The following EPHA5 variants were observed in gnomAD, a reference collection of about 807,000 sequenced individuals.
EPHA5 encodes ephrin type-A receptor 5.
EPHA5 carries 60 observed loss-of-function variants against 105.0 expected under a neutral mutation model. The ratio of observed to expected loss-of-function variants is 0.57; its 90% CI spans 0.46 to 0.71. The LOEUF (loss-of-function observed/expected upper bound fraction) is 0.71. Among genes scored for constraint, EPHA5 ranks in the 30% least tolerant of loss-of-function variants. The pLI is 0.00. For missense variants in EPHA5, 1,218 were observed against 1,274.7 expected (o/e 0.96, Z 0.68); for synonymous variants, 513 against 449.1 (o/e 1.14, Z -1.80).
chr4:65,465,467 A>AAAG lies in EPHA5; in HGVS notation c.1402+24909_1402+24910insCTT, dbSNP rs1553920682. Among the ~76,000 whole-genome samples, 84 of 75,060 alleles carry AAAG rather than the reference A, an allele frequency of 1.1e-3. 1 individual carries two copies. Among genetic ancestry groups the AAAG allele is most frequent in the South Asian group, 4.4e-3 (8 of 1,800 alleles). 49.2% of individuals were successfully genotyped at this position (75,060 alleles called of 152,430 possible). A position where few individuals can be genotyped will look rare whatever the true frequency, so the allele number is the denominator to read the frequency against. ...AAGAAAGAAAGAAAGAAAAGAAAGA[A>AAAG]AAAGAAAGAAAGAAAGAAAGAAAGA... On this transcript the variant is annotated intron_variant, in intron 5 of 16. Transcript: ENST00000613740.
chr4:65,543,238 A>G (rs1737024878), intron 3 of EPHA5, among the ~76,000 whole-genome samples: 1 of 152,040 alleles, frequency 6.6e-6, no homozygotes. Flanking sequence ...CAGGTAAGAG[A>G]AAGAAATAAA....
intron 8 of EPHA5, among the ~76,000 whole-genome samples, chr4:65,381,747 A>T (rs1406257882): frequency 6.6e-6 from 1 of 151,728 alleles, no homozygotes; most frequent in East Asian, 1.9e-4. Context: ...GGGTATTTGG[A>T]AGCTGATAAG....
At chr4:65,544,543 G>A (rs1171248464) in intron 3 of EPHA5, among the ~76,000 whole-genome samples, 1 of 151,978 alleles carries the variant, frequency 6.6e-6, no homozygotes, top group Non-Finnish European at 1.5e-5. Context: ...TCTCATTCCA[G>A]TCAGAATGGC....
intron 3 of EPHA5, among the ~76,000 whole-genome samples, chr4:65,576,365 A>G (rs1040700164): frequency 2.0e-5 from 3 of 152,220 alleles, no homozygotes; most frequent in African/African-American, 7.2e-5. Context: ...AATATCGTTC[A>G]CCAGAAGAAG....
chr4:65,437,932 T>C (rs1184464121), intron 5 of EPHA5, among the ~76,000 whole-genome samples: 1 of 152,016 alleles, frequency 6.6e-6, no homozygotes, highest in African/African-American at 2.4e-5. Context: ...CTCTGTCCTA[T>C]GGTGTCTTAT....
chr4:65,427,293 T>G (rs1724535421), intron 5 of EPHA5, among the ~76,000 whole-genome samples: 1 of 150,654 alleles, frequency 6.6e-6, no homozygotes, highest in Non-Finnish European at 1.5e-5. Context: ...CAAGCGATTC[T>G]CCTGCCTCAG....
chr4:65,391,092 A>G (rs1720674353), intron 8 of EPHA5, among the ~76,000 whole-genome samples: 1 of 152,038 alleles, frequency 6.6e-6, no homozygotes, highest in African/African-American at 2.4e-5. Context: ...TTATAAAACC[A>G]TTAGTTCTTG....
chr4:65,542,235 T>C (rs1736912869), intron 3 of EPHA5, among the ~76,000 whole-genome samples: 1 of 151,196 alleles, frequency 6.6e-6, no homozygotes, highest in Non-Finnish European at 1.5e-5. Flanking sequence ...ATAACTGAGA[T>C]CAGAGTGGAA....
intron 5 of EPHA5, among the ~76,000 whole-genome samples, chr4:65,466,005 A>G (rs1728683261): frequency 6.6e-6 from 1 of 152,248 alleles, no homozygotes; most frequent in Admixed American, 6.5e-5. Context: ...CAAACAAAAA[A>G]AGACATAAAA....
At chr4:65,353,905 T>C (rs1409381342) in intron 11 of EPHA5, among the ~76,000 whole-genome samples, 1 of 151,786 alleles carries the variant, frequency 6.6e-6, no homozygotes, top group Non-Finnish European at 1.5e-5. Flanking sequence ...AAGATTTCCT[T>C]AGCAGTCATT....
chr4:65,508,743 GT>G (rs986922172), intron 3 of EPHA5, among the ~76,000 whole-genome samples: 1 of 151,772 alleles, frequency 6.6e-6, no homozygotes, highest in Middle Eastern at 3.4e-3. Context: ...TGACAATGCA[GT>G]TTTTTTTAAA....
chr4:65,331,895 T>C (rs1037783836), intron 16 of EPHA5, 78 bp downstream of exon 16: 4 of 1,523,530 alleles, frequency 2.6e-6, no homozygotes, highest in Non-Finnish European at 3.5e-6. Context: ...CTGATTTCCC[T>C]TACCTCATCC....
At chr4:65,608,286 G>A (rs1744431324) in intron 2 of EPHA5, among the ~76,000 whole-genome samples, 1 of 152,070 alleles carries the variant, frequency 6.6e-6, no homozygotes, top group South Asian at 2.1e-4. Flanking sequence ...AGTGGATCAC[G>A]GAGGTCAGGA....
At chr4:65,352,961 A>G in intron 12 of EPHA5, 81 bp downstream of exon 12, 2 of 947,570 alleles carry the variant, frequency 2.1e-6, no homozygotes, top group South Asian at 1.8e-5. Context: ...TTCAACTTCA[A>G]CATCACAGCA....
At position 65,434,433 on chromosome 4, in the gene EPHA5, A is replaced by G. The variant is rs541927287; in HGVS notation, c.1403-13868T>C. On this transcript the variant is annotated intron_variant, in intron 5 of 16. Coordinates refer to ENST00000613740, the MANE Select transcript of EPHA5 (RefSeq NM_001281766.3). Reference sequence around the variant, plus strand: ...TGTTCACATTCTAGGCCAAGACGATATATTTCTAATATCTTTATTATGGAT... The same window carrying G: ...TGTTCACATTCTAGGCCAAGACGATGTATTTCTAATATCTTTATTATGGAT... 5.5e-4 allele frequency among the ~76,000 whole-genome samples: 84 copies of G among 152,228 alleles called. 1 individual carries two copies. In the South Asian group the frequency reaches 0.012, roughly 23 times the overall value.
chr4:65,570,269 C>T (rs1033267356), intron 3 of EPHA5, among the ~76,000 whole-genome samples: 3 of 151,846 alleles, frequency 2.0e-5, no homozygotes, highest in Non-Finnish European at 4.4e-5. Context: ...ATCCAGAAAG[C>T]TTTAAAATCA....
chr4:65,465,199 A>C (rs1203387047), intron 5 of EPHA5, among the ~76,000 whole-genome samples: 6 of 151,976 alleles, frequency 3.9e-5, no homozygotes, highest in African/African-American at 1.4e-4. Flanking sequence ...GCACTTTGGG[A>C]GGCAGAAGCA....
At chr4:65,493,932 T>C (rs757617944) in intron 4 of EPHA5, among the ~76,000 whole-genome samples, 2 of 152,224 alleles carry the variant, frequency 1.3e-5, no homozygotes, top group Non-Finnish European at 2.9e-5. Context: ...CTCTTTAATT[T>C]ACCACTCTGT....
At chr4:65,489,990 C>A (rs1412564771) in intron 5 of EPHA5, among the ~76,000 whole-genome samples, 3 of 152,018 alleles carry the variant, frequency 2.0e-5, no homozygotes, top group Non-Finnish European at 4.4e-5. Flanking sequence ...CAAATAAAAC[C>A]TGCCTAATCA....
Sources: gnomAD v4.1 joint callset for allele counts (sites outside exome capture counted in the v4.1 genomes callset) on GRCh38, gnomAD v4.1.1 for gene constraint, MANE v1.5 for transcripts, NCBI Gene and HGNC (gene_info 2026-07-23, HGNC 2026-07-21) for gene names.